The following MAPRE3 variants were observed in gnomAD, a reference collection of about 807,000 sequenced individuals.
The protein encoded by MAPRE3 is microtubule-associated protein RP/EB family member 3.
In MAPRE3, 2 loss-of-function variants were observed where a neutral mutation model predicts 30.5. That is an observed-to-expected ratio of 0.07 (90% CI 0.03 to 0.21). The LOEUF (loss-of-function observed/expected upper bound fraction) is 0.21, where lower values mean the gene tolerates loss of function less well. Among genes scored for constraint, MAPRE3 ranks in the 10% least tolerant of loss-of-function variants. The pLI is 1.00. For synonymous variants in MAPRE3, 110 were observed against 127.7 expected (o/e 0.86, Z 0.93); for missense variants, 204 against 351.8 (o/e 0.58, Z 3.36).
intron 1 of MAPRE3, among the ~76,000 whole-genome samples, chr2:27,019,052 G>T (rs1389503799): frequency 6.6e-6 from 1 of 152,026 alleles, no homozygotes; most frequent in Non-Finnish European, 1.5e-5. Flanking sequence ...TAGTAGCTAG[G>T]ATTACAGGCC....
chr2:27,013,898 C>T (rs1223520092), intron 1 of MAPRE3: 1 of 152,276 alleles, frequency 6.6e-6, no homozygotes, highest in Non-Finnish European at 1.5e-5. Context: ...GCCAGCGGTA[C>T]TCATTATCCT....
intron 1 of MAPRE3, among the ~76,000 whole-genome samples, chr2:26,993,841 G>A (rs541285226): frequency 6.6e-6 from 1 of 152,250 alleles, no homozygotes; most frequent in South Asian, 2.1e-4. Context: ...ACCATTGATT[G>A]TGTCCAAAAG....
At chr2:26,976,373 C>T (rs1407359621) in intron 1 of MAPRE3, among the ~76,000 whole-genome samples, 1 of 152,194 alleles carries the variant, frequency 6.6e-6, no homozygotes, top group Non-Finnish European at 1.5e-5. Context: ...GGGTTGCTTA[C>T]CCAGGAGTTA....
At chr2:26,997,150 G>C (rs887917450) in intron 1 of MAPRE3, among the ~76,000 whole-genome samples, 1 of 152,060 alleles carries the variant, frequency 6.6e-6, no homozygotes, top group African/African-American at 2.4e-5. Flanking sequence ...AACCTTTTTG[G>C]CACCAAGGTT....
At chr2:26,971,197 T>A (rs1665910201) in intron 1 of MAPRE3, among the ~76,000 whole-genome samples, 1 of 152,190 alleles carries the variant, frequency 6.6e-6, no homozygotes, top group Non-Finnish European at 1.5e-5. Flanking sequence ...TCCCGGCCTC[T>A]CTGGATCTCC....
chr2:26,970,903 C>T (rs1352200732), intron 1 of MAPRE3, 101 bp downstream of exon 1: 1 of 151,442 alleles, frequency 6.6e-6, no homozygotes, highest in African/African-American at 2.4e-5. Flanking sequence ...CCCCTGCCTC[C>T]CCACCCGCAC....
chr2:27,021,249 C>T (rs867928661), intron 1 of MAPRE3, among the ~76,000 whole-genome samples: 41 of 152,074 alleles, frequency 2.7e-4, no homozygotes, highest in African/African-American at 8.0e-4. Context: ...CAAGGGACAA[C>T]GGTATGCATA....
intron 1 of MAPRE3, among the ~76,000 whole-genome samples, chr2:26,973,633 C>CAGTG (rs1491464951): frequency 6.6e-6 from 1 of 151,098 alleles, no homozygotes; most frequent in Non-Finnish European, 1.5e-5. Context: ...CGGCTCACTG[C>CAGTG]AAGCTCCGCT....
intron 1 of MAPRE3, among the ~76,000 whole-genome samples, chr2:26,972,810 G>T (rs1486858593): frequency 6.6e-6 from 1 of 152,174 alleles, no homozygotes; most frequent in Non-Finnish European, 1.5e-5. Flanking sequence ...CATTTTCAGA[G>T]GATCAGAGTA....
intron 1 of MAPRE3, among the ~76,000 whole-genome samples, chr2:26,975,298 C>A (rs1236720653): frequency 6.6e-6 from 1 of 152,138 alleles, no homozygotes. Flanking sequence ...TCATCGGTGA[C>A]TTTGCTAAAA....
intron 1 of MAPRE3, among the ~76,000 whole-genome samples, chr2:26,995,790 T>TGTGTGTGTGTGTGC: frequency 7.0e-6 from 1 of 143,288 alleles, no homozygotes; most frequent in Non-Finnish European, 1.5e-5. Context: ...GGTGTGTGTG[T>TGTGTGTGTGTGTGC]GTGTGTGTGT....
At chr2:27,019,364 G>T (rs1275107181) in intron 1 of MAPRE3, among the ~76,000 whole-genome samples, 2 of 149,370 alleles carry the variant, frequency 1.3e-5, no homozygotes, top group Admixed American at 1.3e-4. Context: ...CGGGGGGATG[G>T]TGGGGGTATG....
chr2:26,993,262 C>T (rs1457487729), intron 1 of MAPRE3, among the ~76,000 whole-genome samples: 3 of 151,974 alleles, frequency 2.0e-5, no homozygotes, highest in Admixed American at 6.6e-5. Flanking sequence ...CCCTGCTACT[C>T]GGGAGGCTGA....
chr2:27,017,570 A>G (rs1667017094), intron 1 of MAPRE3, among the ~76,000 whole-genome samples: 1 of 152,164 alleles, frequency 6.6e-6, no homozygotes, highest in African/African-American at 2.4e-5. Context: ...TGGGAGCCCT[A>G]AAAGCAAGGC....
intron 1 of MAPRE3, among the ~76,000 whole-genome samples, chr2:27,017,664 T>C (rs988420308): frequency 4.3e-4 from 66 of 152,188 alleles, no homozygotes; most frequent in African/African-American, 1.6e-3. Context: ...CCCAGATAAG[T>C]GGCAGAACAT....
intron 2 of MAPRE3, 41 bp from the exon 3 acceptor site, chr2:27,023,291 G>A (rs1446756543): frequency 6.4e-7 from 1 of 1,571,870 alleles, no homozygotes; most frequent in South Asian, 1.2e-5. Context: ...CTCACAGAAG[G>A]AGAGCAGCAA....
At chr2:26,995,780 G>GGTGTGTGT (rs1276648645) in intron 1 of MAPRE3, among the ~76,000 whole-genome samples, 16,147 of 109,382 alleles carry the variant, frequency 0.15, 2,017 homozygotes, top group South Asian at 0.17. Flanking sequence ...TTCTAAGAGA[G>GGTGTGTGT]GTGTGTGTGT....
intron 1 of MAPRE3, among the ~76,000 whole-genome samples, chr2:26,974,986 G>A (rs1053735056): frequency 1.3e-5 from 2 of 152,174 alleles, no homozygotes; most frequent in Admixed American, 1.3e-4. Context: ...ACAGAGAAAA[G>A]GTTTGTACCG....
rs1189914096 is a variant in MAPRE3 at position 27,015,578 on chromosome 2, G to A, written c.-7-6634G>A. On this transcript the variant is annotated intron_variant, in intron 1 of 6. Coordinates refer to ENST00000233121, the MANE Select transcript of MAPRE3 (RefSeq NM_012326.4). The surrounding 1 kb of genome is among the most constrained non-coding windows in gnomAD (Gnocchi z 4.0). Reference sequence around the variant, plus strand: ...GGAAACTGCAGGGGGTTCTTCCAGGGACCAGCCAGAACAGGGCTAAACTTG... The same window carrying A: ...GGAAACTGCAGGGGGTTCTTCCAGGAACCAGCCAGAACAGGGCTAAACTTG... 2.0e-5 allele frequency among the ~76,000 whole-genome samples: 3 copies of A among 152,152 alleles called. No individual in the cohort carries two copies. Among genetic ancestry groups the A allele is most frequent in the African/African-American group, 7.2e-5 (3 of 41,426 alleles).
Sources: allele counts gnomAD v4.1 joint callset (sites outside exome capture counted in the v4.1 genomes callset), GRCh38; gene constraint gnomAD v4.1.1; non-coding constraint Gnocchi (gnomAD v3.1); transcripts MANE v1.5; gene names NCBI Gene and HGNC (gene_info 2026-07-23, HGNC 2026-07-21).